AGBL4: variants seen among roughly 807,000 people sequenced by gnomAD.
The protein encoded by AGBL4 is cytosolic carboxypeptidase 6.
AGBL4 carries 58 observed loss-of-function variants against 66.4 expected under a neutral mutation model. That is an observed-to-expected ratio of 0.87 (90% CI 0.71 to 1.09). The LOEUF (loss-of-function observed/expected upper bound fraction) is 1.09, where lower values mean the gene tolerates loss of function less well. Among genes scored for constraint, AGBL4 ranks in the 50% least tolerant of loss-of-function variants. AGBL4 has a pLI of 0.00. For synonymous variants in AGBL4, 234 were observed against 222.9 expected (o/e 1.05, Z -0.44); for missense variants, 579 against 631.0 (o/e 0.92, Z 0.88).
At chr1:49,844,618 T>G in intron 2 of AGBL4, 3 of 1,424,650 alleles carry the variant, frequency 2.1e-6, no homozygotes, top group Non-Finnish European at 2.8e-6. Context: ...ATCCTTCCTC[T>G]TCCCATCTCA....
At chr1:48,600,987 CA>C (rs1557819675) in intron 9 of AGBL4, among the ~76,000 whole-genome samples, 2 of 152,224 alleles carry the variant, frequency 1.3e-5, no homozygotes, top group East Asian at 3.9e-4. Flanking sequence ...TGCCTGGAAA[CA>C]GAGAGAGATG....
chr1:49,633,906 T>C (rs888614461), intron 3 of AGBL4, among the ~76,000 whole-genome samples: 261 of 147,910 alleles, frequency 1.8e-3, no homozygotes, highest in African/African-American at 5.6e-3. Context: ...ATATAATATA[T>C]GTAAATATTA....
intron 5 of AGBL4, among the ~76,000 whole-genome samples, chr1:48,897,003 A>G (rs12048794): frequency 0.49 from 74,721 of 152,056 alleles, 21,824 homozygotes; most frequent in Non-Finnish European, 0.67. Flanking sequence ...CAACTTTTAC[A>G]CTTATTAACA....
At chr1:48,623,485 T>A (rs1010945939) in intron 9 of AGBL4, among the ~76,000 whole-genome samples, 1 of 152,258 alleles carries the variant, frequency 6.6e-6, no homozygotes, top group African/African-American at 2.4e-5. Flanking sequence ...ATTAGCCTGG[T>A]CCTTTTCTTA....
chr1:48,915,036 CG>C (rs1653468490), intron 5 of AGBL4, among the ~76,000 whole-genome samples: 2 of 152,132 alleles, frequency 1.3e-5, no homozygotes, highest in Non-Finnish European at 2.9e-5. Context: ...CTGATTCGTC[CG>C]TGAGGAAATC....
chr1:49,971,255 A>C (rs1289042501), intron 1 of AGBL4, among the ~76,000 whole-genome samples: 1 of 152,118 alleles, frequency 6.6e-6, no homozygotes, highest in Non-Finnish European at 1.5e-5. Flanking sequence ...GTGCTGTCCT[A>C]CCTGGAACAT....
At chr1:49,584,864 G>C (rs1328955257) in intron 3 of AGBL4, among the ~76,000 whole-genome samples, 2 of 152,098 alleles carry the variant, frequency 1.3e-5, no homozygotes. Context: ...TTCCAAATAT[G>C]AGAACATCAA....
chr1:48,591,730 AACAGCAT>A (rs750433131), intron 9 of AGBL4, among the ~76,000 whole-genome samples: 2 of 152,316 alleles, frequency 1.3e-5, no homozygotes, highest in Non-Finnish European at 1.5e-5. Flanking sequence ...TCTACCCCAC[AACAGCAT>A]ATAAATAATG....
At chr1:48,713,267 G>A (rs1305900637) in intron 6 of AGBL4, among the ~76,000 whole-genome samples, 1 of 152,190 alleles carries the variant, frequency 6.6e-6, no homozygotes, top group East Asian at 1.9e-4. Context: ...CCAGAAAGAT[G>A]GTTCCTGGGC....
intron 4 of AGBL4, among the ~76,000 whole-genome samples, chr1:49,084,641 T>C (rs1326537847): frequency 6.6e-6 from 1 of 152,170 alleles, no homozygotes; most frequent in African/African-American, 2.4e-5. Flanking sequence ...TGAGATTTGG[T>C]TGGGGACAGA....
At chr1:48,935,186 A>T (rs895886459) in intron 5 of AGBL4, among the ~76,000 whole-genome samples, 2 of 152,190 alleles carry the variant, frequency 1.3e-5, no homozygotes, top group Non-Finnish European at 2.9e-5. Context: ...TATGCATTTC[A>T]CTATGCCACG....
intron 2 of AGBL4, chr1:49,845,316 C>T (rs1646111749): frequency 4.6e-6 from 7 of 1,529,978 alleles, no homozygotes; most frequent in Admixed American, 3.4e-5. Context: ...CTCACACAGG[C>T]GAGAAACCCT....
intron 5 of AGBL4, among the ~76,000 whole-genome samples, chr1:48,929,599 T>C (rs1050114886): frequency 6.6e-6 from 1 of 152,206 alleles, no homozygotes; most frequent in Non-Finnish European, 1.5e-5. Flanking sequence ...TTAATGCCTA[T>C]CTTAACTATA....
chr1:49,657,335 C>T (rs1344906127), intron 3 of AGBL4, among the ~76,000 whole-genome samples: 1 of 152,156 alleles, frequency 6.6e-6, no homozygotes, highest in Non-Finnish European at 1.5e-5. Context: ...GAACTACAAA[C>T]CACTGCTCAA....
chr1:48,804,556 T>C (rs1478195707), intron 6 of AGBL4, among the ~76,000 whole-genome samples: 3 of 152,120 alleles, frequency 2.0e-5, no homozygotes, highest in Non-Finnish European at 4.4e-5. Context: ...TGACCATCCA[T>C]AACTGACAAA....
chr1:49,427,968 C>T (rs185731214), intron 3 of AGBL4, among the ~76,000 whole-genome samples: 1 of 152,086 alleles, frequency 6.6e-6, no homozygotes, highest in East Asian at 1.9e-4. Context: ...GTTTACAAAC[C>T]TTTAGCTACA....
At chr1:49,262,792 A>G (rs1313200322) in intron 3 of AGBL4, among the ~76,000 whole-genome samples, 3 of 152,234 alleles carry the variant, frequency 2.0e-5, no homozygotes, top group Non-Finnish European at 4.4e-5. Flanking sequence ...TAACCCAGCC[A>G]TCCCATTACT....
At chr1:49,319,987 G>C (rs965027573) in intron 3 of AGBL4, among the ~76,000 whole-genome samples, 1 of 151,984 alleles carries the variant, frequency 6.6e-6, no homozygotes. Context: ...AGAGTACAGT[G>C]GTACCATTAC....
intron 3 of AGBL4, among the ~76,000 whole-genome samples, chr1:49,401,849 A>G (rs535053999): frequency 1.7e-4 from 26 of 152,100 alleles, no homozygotes; most frequent in African/African-American, 5.5e-4. Context: ...TATGGCTTTG[A>G]TTTCATTACT....
Sources: allele counts gnomAD v4.1 joint callset (sites outside exome capture counted in the v4.1 genomes callset), GRCh38; gene constraint gnomAD v4.1.1; transcripts MANE v1.5; gene names NCBI Gene and HGNC (gene_info 2026-07-23, HGNC 2026-07-21).